ERCC6L2: variants seen among roughly 807,000 people sequenced by gnomAD.
The protein encoded by ERCC6L2 is DNA excision repair protein ERCC-6-like 2.
In ERCC6L2, 77 loss-of-function variants were observed where a neutral mutation model predicts 132.0. The ratio of observed to expected loss-of-function variants is 0.58; its 90% CI spans 0.49 to 0.71. The LOEUF (loss-of-function observed/expected upper bound fraction) is 0.71, where lower values mean the gene tolerates loss of function less well. Among genes scored for constraint, ERCC6L2 ranks in the 30% least tolerant of loss-of-function variants. The pLI is 0.00. For synonymous variants in ERCC6L2, 583 were observed against 632.4 expected, an observed-to-expected ratio of 0.92 and a Z score of 1.17; for missense variants, 1,542 against 1,837.6, an observed-to-expected ratio of 0.84 and a Z score of 2.94.
intron 2 of ERCC6L2, among the ~76,000 whole-genome samples, chr9:95,883,537 C>A (rs1033424243): frequency 3.9e-4 from 60 of 152,296 alleles, no homozygotes; most frequent in African/African-American, 1.3e-3. Flanking sequence ...TACCACAATT[C>A]TTTGATTAGC....
intron 12 of ERCC6L2, among the ~76,000 whole-genome samples, chr9:95,947,050 T>G (rs1489717855): frequency 6.6e-6 from 1 of 152,122 alleles, no homozygotes; most frequent in Non-Finnish European, 1.5e-5. Flanking sequence ...CTTTAAGTGG[T>G]CAAGTGAAAG....
intron 17 of ERCC6L2, among the ~76,000 whole-genome samples, chr9:95,981,004 G>C (rs1832869460): frequency 6.6e-6 from 1 of 152,118 alleles, no homozygotes; most frequent in East Asian, 1.9e-4. Context: ...GAAAGATTGT[G>C]TGCATGCGTG....
intron 11 of ERCC6L2, among the ~76,000 whole-genome samples, chr9:95,940,699 A>G (rs565374988): frequency 7.7e-4 from 116 of 151,606 alleles, no homozygotes; most frequent in South Asian, 5.2e-3. Context: ...ATCTTGGTGA[A>G]TGTTCTATAG....
chr9:95,889,841 A>G (rs145310060), intron 2 of ERCC6L2, among the ~76,000 whole-genome samples: 2 of 152,320 alleles, frequency 1.3e-5, no homozygotes, highest in East Asian at 3.9e-4. Flanking sequence ...TATTTATAAA[A>G]TGAAAATTGT....
rs372625304 is a variant in ERCC6L2, at chr9:96,006,095, G to A, written c.3674+1394G>A. 1.6e-4 allele frequency among the ~76,000 whole-genome samples: 25 copies of A among 152,312 alleles called. 1 individual carries two copies. The South Asian group carries it at 5.2e-3, about 32-fold the overall frequency. On this transcript the variant is annotated intron_variant, in intron 18 of 18. Transcript: ENST00000653738. ...AAGGTTCAGTAGGCAATGTATGTAT[G>A]AGCTACTCCTGGTTTGGGGATTAAA...
chr9:95,941,764 A>T (rs1172293134), intron 12 of ERCC6L2, among the ~76,000 whole-genome samples: 1 of 152,176 alleles, frequency 6.6e-6, no homozygotes, highest in East Asian at 1.9e-4. Flanking sequence ...ATATGACAGA[A>T]ATGACTTAAG....
At chr9:95,957,207 A>C (rs974586563) in intron 13 of ERCC6L2, among the ~76,000 whole-genome samples, 2 of 152,204 alleles carry the variant, frequency 1.3e-5, no homozygotes, top group Non-Finnish European at 2.9e-5. Context: ...GTTCACGTGT[A>C]ATCATAAATA....
intron 17 of ERCC6L2, among the ~76,000 whole-genome samples, chr9:95,982,220 C>T (rs1832922658): frequency 1.3e-5 from 2 of 151,994 alleles, no homozygotes; most frequent in South Asian, 4.2e-4. Flanking sequence ...TGGGAGGTAG[C>T]GTGGGGGAGT....
At chr9:95,894,744 G>A (rs1047357176) in intron 2 of ERCC6L2, among the ~76,000 whole-genome samples, 1 of 151,864 alleles carries the variant, frequency 6.6e-6, no homozygotes, top group Non-Finnish European at 1.5e-5. Flanking sequence ...ACAGGCACAC[G>A]CCACCATGCC....
intron 17 of ERCC6L2, among the ~76,000 whole-genome samples, chr9:95,996,029 T>C (rs1833460709): frequency 6.6e-6 from 1 of 152,212 alleles, no homozygotes; most frequent in Admixed American, 6.5e-5. Flanking sequence ...ATGATGACGC[T>C]TCATTAGAAA....
In ERCC6L2 at chr9:95,916,409, A is replaced by T; in HGVS notation, c.1133A>T (p.Asp378Val). 1 of 1,576,248 alleles carries T rather than the reference A, an allele frequency of 6.3e-7. No homozygotes were observed. Among genetic ancestry groups the T allele is most frequent in the East Asian group, 2.3e-5 (1 of 44,436 alleles). ...FLRRTKTLIK[D>V]QLPKKEDRMV... is the part of the protein sequence containing the mutation. The stretch of plus-strand genomic sequence containing the variant: ...AGGCGCACCAAGACTCTTATCAAGG[A>T]TCAGTTGCCTAAGAAGGAAGACCGG... The change falls in exon 6 of 19, where the codon GAT (aspartate) becomes GTT (valine). Residue 378 changes from aspartate (D) to valine (V), a missense_variant. By Grantham distance (152) the Asp-to-Val change is radical (BLOSUM62 -3). Coordinates refer to ENST00000653738, the MANE Select transcript of ERCC6L2 (RefSeq NM_020207.7).
chr9:95,965,881 T>C (rs187829087), intron 13 of ERCC6L2, among the ~76,000 whole-genome samples: 61 of 152,338 alleles, frequency 4.0e-4, no homozygotes, highest in African/African-American at 1.4e-3. Flanking sequence ...GCATTCTTTG[T>C]TTCTTTCAAG....
rs1167518777 is a variant in ERCC6L2 at position 95,972,549 on chromosome 9, CAG to C, written c.2800_2801del (p.Glu934ThrfsTer8). 2 of 1,289,658 alleles carry C rather than the reference CAG, an allele frequency of 1.6e-6. No individual in the cohort carries two copies. The highest frequency in any genetic ancestry group is 1.0e-6 in the Non-Finnish European group (1 of 988,824). The allele number at this position is 1,289,658 out of a possible 1,614,324, so 79.9% of individuals were successfully genotyped here. A position where few individuals can be genotyped will look rare whatever the true frequency, so the allele number is the denominator to read the frequency against. ...TTGGAAGGATCTGAGGATTCTGAAA[CAG>C]AACACACTGTAAAAACAAGAAATAA... On this transcript the variant is annotated frameshift_variant, in exon 16 of 19. Coordinates refer to ENST00000653738, the MANE Select transcript of ERCC6L2 (RefSeq NM_020207.7). LOFTEE classifies it high-confidence loss of function.
intron 13 of ERCC6L2, 114 bp downstream of exon 13, chr9:95,956,127 A>G (rs1281713764): frequency 2.1e-6 from 1 of 486,612 alleles, no homozygotes; most frequent in Non-Finnish European, 3.5e-6. Flanking sequence ...GCGGAATTTA[A>G]TAAGATTATA....
In ERCC6L2 at chr9:95,897,943, A is replaced by G; in HGVS notation, c.566A>G (p.Lys189Arg). The change falls in exon 3 of 19, where the codon AAG (lysine) becomes AGG (arginine). Residue 189 changes from lysine (K) to arginine (R), a missense_variant. Lys to Arg is a conservative substitution (Grantham distance 26, BLOSUM62 2). This residue lies in a region of ERCC6L2 where 945 missense variants were observed against 1,105.2 expected (regional missense o/e 0.86). Transcript: ENST00000653738. ...MPEFLLRSMK[K>R]EPLSSTAKKM... is the part of the protein sequence containing the mutation. ...GAGTTTTTACTAAGAAGTATGAAAA[A>G]GGAACCCCTTTCTTCTACAGCAAAA... 1 of 1,611,870 alleles carries G rather than the reference A, an allele frequency of 6.2e-7. No individual in the cohort carries two copies. The highest frequency in any genetic ancestry group is 8.5e-7 in the Non-Finnish European group (1 of 1,178,968).
chr9:95,881,380 C>A, intron 2 of ERCC6L2, 87 bp downstream of exon 2: 1 of 1,036,350 alleles, frequency 9.6e-7, no homozygotes, highest in Non-Finnish European at 1.3e-6. Context: ...ACTGCTGTTA[C>A]GATAGCTATT....
At chr9:95,934,529 C>T (rs1830475488) in intron 11 of ERCC6L2, among the ~76,000 whole-genome samples, 1 of 150,988 alleles carries the variant, frequency 6.6e-6, no homozygotes, top group Non-Finnish European at 1.5e-5. Context: ...TTACCTTAAC[C>T]ACAGGTCAAG....
chr9:95,972,258 G>A lies in ERCC6L2; in HGVS notation c.2507G>A (p.Cys836Tyr), dbSNP rs747270316. 3.1e-6 allele frequency: 4 copies of A among 1,303,900 alleles called. No individual in the cohort carries two copies. The South Asian group carries it at 4.9e-5, about 16-fold the overall frequency. The allele number at this position is 1,303,900 out of a possible 1,614,324, so 80.8% of individuals were successfully genotyped here. The change falls in exon 16 of 19, where the codon TGT becomes TAT. Residue 836 changes from cysteine to tyrosine, a missense_variant. Around this residue, in one of 4 missense-constraint regions of ERCC6L2, gnomAD observed 945 missense variants for 1,105.2 expected, o/e 0.86. Coordinates refer to ENST00000653738, the MANE Select transcript of ERCC6L2 (RefSeq NM_020207.7). ...CLSTEAKDAG[C>Y]EKNQDSLGTS... ...TCAACAGAAGCCAAAGATGCTGGTT[G>A]TGAGAAAAATCAGGACTCTCTTGGT...
At chr9:95,960,655 G>A (rs528535896) in intron 13 of ERCC6L2, among the ~76,000 whole-genome samples, 3 of 152,196 alleles carry the variant, frequency 2.0e-5, no homozygotes, top group African/African-American at 7.2e-5. Flanking sequence ...GAGTGTGGTC[G>A]TGGTCCTGCC....
Sources: gnomAD v4.1 joint callset for allele counts (sites outside exome capture counted in the v4.1 genomes callset) on GRCh38, gnomAD v4.1.1 for gene constraint, gnomAD v4.1.1 regional missense constraint, MANE v1.5 for transcripts, NCBI Gene and HGNC (gene_info 2026-07-23, HGNC 2026-07-21) for gene names.